The following SPOCK1 variants were observed in gnomAD, a reference collection of about 807,000 sequenced individuals.
SPOCK1 encodes the protein SPARC (osteonectin), cwcv and kazal like domains proteoglycan 1.
SPOCK1 carries 23 observed loss-of-function variants against 55.3 expected under a neutral mutation model. That is an observed-to-expected ratio of 0.42 (90% confidence interval 0.30 to 0.59). The LOEUF (loss-of-function observed/expected upper bound fraction) is 0.59. Ranked by LOEUF, SPOCK1 falls within the 20% of genes least tolerant of loss-of-function variation. The probability of loss-of-function intolerance (pLI) is 0.22; values close to 1 mark genes in which losing one functional copy is unlikely to be tolerated. For missense variants in SPOCK1, 499 were observed against 552.5 expected (o/e 0.90, Z 0.97); for synonymous variants, 226 against 221.0 (o/e 1.02, Z -0.20).
At chr5:137,147,566 G>A (rs866508844) in intron 3 of SPOCK1, among the ~76,000 whole-genome samples, 2 of 152,146 alleles carry the variant, frequency 1.3e-5, no homozygotes, top group African/African-American at 4.8e-5. Flanking sequence ...GTCTTTCCTC[G>A]ATGCAAGCAC....
At chr5:137,494,882 G>T (rs1301246416) in intron 2 of SPOCK1, among the ~76,000 whole-genome samples, 1 of 152,194 alleles carries the variant, frequency 6.6e-6, no homozygotes, top group African/African-American at 2.4e-5. Flanking sequence ...ATCAGATGCA[G>T]AAAAATTAGG....
intron 5 of SPOCK1, among the ~76,000 whole-genome samples, chr5:137,069,757 C>A (rs2127007291): frequency 6.6e-6 from 1 of 152,368 alleles, no homozygotes; most frequent in South Asian, 2.1e-4. Context: ...TCCTCTGTTT[C>A]AGACTAGTGG....
chr5:137,158,679 A>G (rs144392636), intron 3 of SPOCK1, among the ~76,000 whole-genome samples: 80 of 151,926 alleles, frequency 5.3e-4, no homozygotes, highest in African/African-American at 1.5e-3. Context: ...TACACAGAAC[A>G]CTCCACAAAG....
In SPOCK1 at chr5:137,499,242, A is replaced by C. The variant is rs1754388564; in HGVS notation, c.-64T>G. On this transcript the variant is annotated 5_prime_UTR_variant, in exon 1 of 11. Transcript: ENST00000394945. ...GAGCTCCCGCGGCACGGTCGCCGGG[A>C]AGGCTGATCGCCGGCTCGCGCCCCT... The C allele has an allele frequency of 6.6e-6, 1 of 151,988 alleles. No homozygotes were observed. The highest frequency in any genetic ancestry group is 1.5e-5 in the Non-Finnish European group (1 of 68,018). The allele number at this position is 151,988 out of a possible 1,614,324, so 9.4% of individuals were successfully genotyped here. A position where few individuals can be genotyped will look rare whatever the true frequency, so the allele number is the denominator to read the frequency against.
intron 3 of SPOCK1, among the ~76,000 whole-genome samples, chr5:137,207,843 T>C (rs756405266): frequency 6.6e-6 from 1 of 152,350 alleles, no homozygotes; most frequent in Non-Finnish European, 1.5e-5. Flanking sequence ...CCATTGGTTA[T>C]TATTTTTAAT....
chr5:137,302,018 T>C (rs1415149923), intron 2 of SPOCK1, among the ~76,000 whole-genome samples: 1 of 152,116 alleles, frequency 6.6e-6, no homozygotes, highest in African/African-American at 2.4e-5. Context: ...CATTATAAAA[T>C]GAAATTGGTT....
chr5:136,982,886 C>CACTTGAATGATCA (rs1214069860), intron 9 of SPOCK1, among the ~76,000 whole-genome samples: 3 of 152,086 alleles, frequency 2.0e-5, no homozygotes, highest in Admixed American at 2.0e-4. Flanking sequence ...TCTGTCATCA[C>CACTTGAATGATCA]ACTTGAATGA....
At chr5:137,146,495 G>A (rs1052923097) in intron 3 of SPOCK1, among the ~76,000 whole-genome samples, 5 of 152,166 alleles carry the variant, frequency 3.3e-5, no homozygotes, top group Admixed American at 6.5e-5. Flanking sequence ...CAAGGTTCAC[G>A]TGAAGAGCAG....
At chr5:137,239,362 T>C (rs1756240706) in intron 3 of SPOCK1, among the ~76,000 whole-genome samples, 1 of 152,238 alleles carries the variant, frequency 6.6e-6, no homozygotes, top group Non-Finnish European at 1.5e-5. Flanking sequence ...CTTTCATTTA[T>C]ATCATTTATA....
At chr5:137,173,618 A>G (rs1754796479) in intron 3 of SPOCK1, among the ~76,000 whole-genome samples, 1 of 152,248 alleles carries the variant, frequency 6.6e-6, no homozygotes, top group Non-Finnish European at 1.5e-5. Context: ...GATAAACATC[A>G]GATACAATAC....
At chr5:137,132,688 C>T (rs1753907902) in intron 4 of SPOCK1, among the ~76,000 whole-genome samples, 1 of 152,186 alleles carries the variant, frequency 6.6e-6, no homozygotes, top group African/African-American at 2.4e-5. Flanking sequence ...ATAAAACATT[C>T]TCCATCTCCT....
At chr5:137,251,276 C>G (rs1374112001) in intron 3 of SPOCK1, among the ~76,000 whole-genome samples, 1 of 152,156 alleles carries the variant, frequency 6.6e-6, no homozygotes, top group Non-Finnish European at 1.5e-5. Flanking sequence ...AAAGTGAATC[C>G]CAACCAACCT....
At chr5:137,127,452 A>T (rs908612134) in intron 4 of SPOCK1, among the ~76,000 whole-genome samples, 9 of 152,248 alleles carry the variant, frequency 5.9e-5, no homozygotes, top group Non-Finnish European at 4.4e-5. Context: ...TGCTAGGCAA[A>T]GCCGTGGGGG....
chr5:137,498,302 C>CA lies in SPOCK1; in HGVS notation c.186+70_186+71insT, dbSNP rs1308962267. ...CACACACACACACACACACACACAC[C>CA]CCAACCCCGCTTCAGGGGTCCCCTC... On this transcript the variant is annotated intron_variant, in intron 2 of 10. Transcript: ENST00000394945. The CA allele has an allele frequency of 8.6e-6, 11 of 1,286,240 alleles. No individual in the cohort carries two copies. The East Asian group carries it at 8.8e-5, about 10-fold the overall frequency. 79.7% of individuals were successfully genotyped at this position (1,286,240 alleles called of 1,614,324 possible).
At chr5:137,272,618 T>A (rs998462563) in intron 2 of SPOCK1, among the ~76,000 whole-genome samples, 3 of 152,156 alleles carry the variant, frequency 2.0e-5, no homozygotes, top group African/African-American at 7.2e-5. Context: ...GCTTGGGCAG[T>A]GACTTGAGGC....
intron 2 of SPOCK1, among the ~76,000 whole-genome samples, chr5:137,394,401 A>G (rs1751797426): frequency 1.3e-5 from 2 of 152,218 alleles, no homozygotes; most frequent in Non-Finnish European, 2.9e-5. Context: ...AAATTGTTGT[A>G]CATTTGAAGA....
Position 137,456,368 on chromosome 5 carries a change from A to G in SPOCK1, c.186+42005T>C, listed in dbSNP as rs1331292725. Among the ~76,000 whole-genome samples the G allele has an allele frequency of 2.0e-5, 3 of 152,212 alleles. No individual in the cohort carries two copies. In the South Asian group the frequency reaches 6.2e-4, roughly 32 times the overall value. Reference sequence around the variant, plus strand: ...TGTCATAATTCATGGAGCTGTTTGTACATACTTTTAATACTTATAAATACA... The same window carrying G: ...TGTCATAATTCATGGAGCTGTTTGTGCATACTTTTAATACTTATAAATACA... On this transcript the variant is annotated intron_variant, in intron 2 of 10. Coordinates refer to ENST00000394945, the MANE Select transcript of SPOCK1 (RefSeq NM_004598.4).
intron 2 of SPOCK1, among the ~76,000 whole-genome samples, chr5:137,468,392 C>T (rs553360095): frequency 9.2e-5 from 14 of 152,340 alleles, no homozygotes; most frequent in African/African-American, 1.7e-4. Context: ...TTCTGCCCAG[C>T]GCTTTCTCCT....
chr5:137,340,062 C>T (rs1276391013), intron 2 of SPOCK1, among the ~76,000 whole-genome samples: 2 of 151,656 alleles, frequency 1.3e-5, no homozygotes, highest in Non-Finnish European at 2.9e-5. Flanking sequence ...GTGGAAGTGC[C>T]TCATAAATTC....
Sources: gnomAD v4.1 joint callset for allele counts (sites outside exome capture counted in the v4.1 genomes callset) on GRCh38, gnomAD v4.1.1 for gene constraint, MANE v1.5 for transcripts, NCBI Gene and HGNC (gene_info 2026-07-23, HGNC 2026-07-21) for gene names.